The following RBFOX1 variants were observed in gnomAD, a reference collection of about 807,000 sequenced individuals.
RBFOX1 encodes RNA binding protein fox-1 homolog 1.
RBFOX1 carries 8 observed loss-of-function variants against 57.7 expected under a neutral mutation model. That is an observed-to-expected ratio of 0.14 (90% CI 0.08 to 0.25). RBFOX1 has a LOEUF of 0.25. Ranked by LOEUF, RBFOX1 falls within the 10% of genes least tolerant of loss-of-function variation. RBFOX1 has a pLI of 1.00. For missense variants in RBFOX1, 611 were observed against 548.5 expected (o/e 1.11, Z -1.14); for synonymous variants, 326 against 222.4 (o/e 1.47, Z -4.15).
chr16:5,673,638 GA>G (rs1282125217), intron 3 of RBFOX1, among the ~76,000 whole-genome samples: 6 of 152,198 alleles, frequency 3.9e-5, no homozygotes, highest in Non-Finnish European at 7.3e-5. Flanking sequence ...ATCTTTGGGG[GA>G]AGCCCACATT....
chr16:5,382,463 C>T (rs1051609582), intron 1 of RBFOX1, among the ~76,000 whole-genome samples: 1 of 151,750 alleles, frequency 6.6e-6, no homozygotes, highest in Admixed American at 6.6e-5. Flanking sequence ...CTGGTATCTA[C>T]ATATAATGGA....
At chr16:7,652,476 C>T (rs188864758) in intron 11 of RBFOX1, among the ~76,000 whole-genome samples, 2 of 152,314 alleles carry the variant, frequency 1.3e-5, no homozygotes, top group African/African-American at 4.8e-5. Flanking sequence ...GGTGCCATCT[C>T]GACTCACTGC....
intron 1 of RBFOX1, among the ~76,000 whole-genome samples, chr16:6,168,118 A>G (rs552841106): frequency 1.3e-5 from 2 of 152,302 alleles, no homozygotes; most frequent in South Asian, 4.1e-4. Flanking sequence ...GCAGATTTGC[A>G]TTTTAATTCG....
intron 2 of RBFOX1, among the ~76,000 whole-genome samples, chr16:6,592,585 G>T (rs1216157883): frequency 6.6e-6 from 1 of 152,188 alleles, no homozygotes; most frequent in East Asian, 1.9e-4. Flanking sequence ...GCTCCACCAT[G>T]TAATACCTTT....
In RBFOX1 at chr16:7,676,809, C is replaced by T; in HGVS notation, c.966C>T (p.Thr322=). Reference sequence around the variant, plus strand: ...CTGCATACCGCTACGCCCAGCCTACCCCTGCCACTGCCGCTGCCTACAGTG... The same window carrying T: ...CTGCATACCGCTACGCCCAGCCTACTCCTGCCACTGCCGCTGCCTACAGTG... ...GYAAYRYAQP[T]PATAAAYSDS... is the part of the protein sequence containing the mutation. The change falls in exon 14 of 16, where the codon ACC becomes ACT. Residue 322 remains threonine (T), a synonymous_variant. Transcript: ENST00000550418. The T allele has an allele frequency of 2.5e-6, 4 of 1,613,248 alleles. No homozygotes were observed. Among genetic ancestry groups the T allele is most frequent in the South Asian group, 1.1e-5 (1 of 91,058 alleles).
At chr16:6,193,414 ATATATATATAT>A in intron 1 of RBFOX1, among the ~76,000 whole-genome samples, 3 of 118,274 alleles carry the variant, frequency 2.5e-5, no homozygotes, top group African/African-American at 8.9e-5. Context: ...ATATATATAT[ATATATATATAT>A]AAAATTCAGT....
rs147550074 is a variant in RBFOX1, at chr16:6,076,517, G to A, written c.-127+56525G>A. ...GGGTCTTGCTCTGTCACCCAGGCTG[G>A]AGGACAGTGGTGCGATCATAGCTCA... On this transcript the variant is annotated intron_variant, in intron 1 of 15. Transcript: ENST00000550418. Among the ~76,000 whole-genome samples, 660 of 152,130 alleles carry A rather than the reference G, an allele frequency of 4.3e-3. 6 individuals are homozygous for A. The highest frequency in any genetic ancestry group is 0.015 in the African/African-American group (615 of 41,496).
At position 7,454,574 on chromosome 16, in the gene RBFOX1, C is replaced by G. The variant is rs149596610; in HGVS notation, c.28-63573C>G. On this transcript the variant is annotated intron_variant, in intron 4 of 15. Transcript: ENST00000550418. The stretch of plus-strand genomic sequence containing the variant: ...TGAAGCCACCTGTTGGGTTATGTCC[C>G]CTACCTTGGTGCATGAAGGAAAACT... Among the ~76,000 whole-genome samples the G allele has an allele frequency of 8.5e-5, 13 of 152,152 alleles. No individual in the cohort carries two copies. The East Asian group carries it at 2.5e-3, about 30-fold the overall frequency.
At chr16:6,529,569 AT>A (rs1183575008) in intron 2 of RBFOX1, among the ~76,000 whole-genome samples, 4 of 91,096 alleles carry the variant, frequency 4.4e-5, no homozygotes, top group African/African-American at 1.5e-4. Context: ...AATAATAATA[AT>A]TATTATTAAT....
chr16:5,869,932 A>G (rs2057427659), intron 4 of RBFOX1, among the ~76,000 whole-genome samples: 1 of 152,182 alleles, frequency 6.6e-6, no homozygotes, highest in Non-Finnish European at 1.5e-5. Context: ...ATGTCTATTA[A>G]CAGAGTAACA....
chr16:6,526,631 C>T (rs2153811149), intron 2 of RBFOX1, among the ~76,000 whole-genome samples: 1 of 151,856 alleles, frequency 6.6e-6, no homozygotes, highest in East Asian at 1.9e-4. Context: ...GAAATCAAGA[C>T]CATCCTGGCT....
chr16:5,547,252 G>T (rs147012569), intron 2 of RBFOX1, among the ~76,000 whole-genome samples: 1 of 152,154 alleles, frequency 6.6e-6, no homozygotes, highest in Non-Finnish European at 1.5e-5. Flanking sequence ...ATGTCTAGAG[G>T]TATTTATCCA....
intron 3 of RBFOX1, among the ~76,000 whole-genome samples, chr16:6,721,311 C>A (rs772322580): frequency 2.0e-5 from 3 of 151,944 alleles, no homozygotes; most frequent in Non-Finnish European, 4.4e-5. Flanking sequence ...GGCATGGTGG[C>A]GGGTGCCTGT....
intron 3 of RBFOX1, among the ~76,000 whole-genome samples, chr16:7,047,981 C>A (rs555043373): frequency 1.4e-5 from 2 of 141,600 alleles, no homozygotes; most frequent in African/African-American, 5.2e-5. Context: ...CGGGTTCAAG[C>A]GATTCTCCTG....
chr16:6,934,257 C>G (rs1196324176), intron 3 of RBFOX1, among the ~76,000 whole-genome samples: 1 of 152,222 alleles, frequency 6.6e-6, no homozygotes, highest in Non-Finnish European at 1.5e-5. Flanking sequence ...GTGAAAGCAG[C>G]TCTTCAGTCT....
At chr16:7,636,129 T>A (rs2061716156) in intron 11 of RBFOX1, among the ~76,000 whole-genome samples, 1 of 152,220 alleles carries the variant, frequency 6.6e-6, no homozygotes, top group Non-Finnish European at 1.5e-5. Context: ...TCTTTTTCTA[T>A]TCCCTCCACA....
At chr16:5,632,169 A>G (rs2048531739) in intron 3 of RBFOX1, among the ~76,000 whole-genome samples, 2 of 152,250 alleles carry the variant, frequency 1.3e-5, no homozygotes. Context: ...TATGGTACCT[A>G]TCACATGTAT....
chr16:7,456,117 C>T (rs2058463057), intron 4 of RBFOX1, among the ~76,000 whole-genome samples: 1 of 152,114 alleles, frequency 6.6e-6, no homozygotes, highest in Non-Finnish European at 1.5e-5. Context: ...CCTACATTGC[C>T]CTTTTGCACT....
chr16:6,650,347 G>A (rs777670805), intron 2 of RBFOX1, among the ~76,000 whole-genome samples: 2 of 152,072 alleles, frequency 1.3e-5, no homozygotes, highest in Non-Finnish European at 2.9e-5. Context: ...AATGAAACCT[G>A]TGGATAAATT....
Sources: allele counts gnomAD v4.1 joint callset (sites outside exome capture counted in the v4.1 genomes callset), GRCh38; gene constraint gnomAD v4.1.1; transcripts MANE v1.5; gene names NCBI Gene and HGNC (gene_info 2026-07-23, HGNC 2026-07-21).